Variants in DNER observed in about 807,000 individuals in gnomAD.
DNER encodes the protein delta and Notch-like epidermal growth factor-related receptor.
In DNER, 33 loss-of-function variants were observed where a neutral mutation model predicts 78.2. That is an observed-to-expected ratio of 0.42 (90% confidence interval 0.32 to 0.56). The LOEUF is 0.56. Among genes scored for constraint, DNER ranks in the 20% least tolerant of loss-of-function variants. The pLI, the probability that DNER is intolerant of heterozygous loss-of-function variation, is 0.11. For synonymous variants in DNER, 417 were observed against 384.8 expected, an observed-to-expected ratio of 1.08 and a Z score of -0.98; for missense variants, 918 against 975.3, an observed-to-expected ratio of 0.94 and a Z score of 0.78.
intron 8 of DNER, among the ~76,000 whole-genome samples, chr2:229,443,418 A>C (rs1292470456): frequency 6.6e-6 from 1 of 152,150 alleles, no homozygotes; most frequent in African/African-American, 2.4e-5. Context: ...CCAAGTTCTC[A>C]CTTTCTTCAG....
intron 4 of DNER, among the ~76,000 whole-genome samples, chr2:229,581,650 G>A (rs926547724): frequency 1.3e-5 from 2 of 152,206 alleles, no homozygotes; most frequent in Non-Finnish European, 2.9e-5. Flanking sequence ...CAGTGGTCAT[G>A]AAGGAAAACC....
chr2:229,581,284 G>C, intron 4 of DNER, among the ~76,000 whole-genome samples: 1 of 152,174 alleles, frequency 6.6e-6, no homozygotes, highest in East Asian at 1.9e-4. Flanking sequence ...AGCCATAACT[G>C]TTTCATGGAA....
At chr2:229,505,759 T>C (rs988477174) in intron 6 of DNER, among the ~76,000 whole-genome samples, 2 of 152,138 alleles carry the variant, frequency 1.3e-5, no homozygotes, top group African/African-American at 2.4e-5. Context: ...AATAAAACAA[T>C]ATGATGTAAA....
At chr2:229,434,645 T>C (rs529580392) in intron 8 of DNER, among the ~76,000 whole-genome samples, 44 of 152,162 alleles carry the variant, frequency 2.9e-4, no homozygotes, top group Non-Finnish European at 5.1e-4. Context: ...AAGTGTGTTT[T>C]TATTTGGTGA....
chr2:229,564,333 C>T (rs1310610906), intron 4 of DNER, among the ~76,000 whole-genome samples: 4 of 141,490 alleles, frequency 2.8e-5, no homozygotes, highest in Non-Finnish European at 6.1e-5. Context: ...CTTCCTCACC[C>T]CATCACCATC....
intron 4 of DNER, among the ~76,000 whole-genome samples, chr2:229,581,396 G>A (rs1373376568): frequency 6.6e-6 from 1 of 152,036 alleles, no homozygotes; most frequent in Non-Finnish European, 1.5e-5. Flanking sequence ...CCCGAGAAGC[G>A]GGCAATGTTA....
At position 229,591,840 on chromosome 2, in the gene DNER, T is replaced by G; in HGVS notation, c.325A>C (p.Ser109Arg). 2 of 1,607,274 alleles carry G rather than the reference T, an allele frequency of 1.2e-6. No individual in the cohort carries two copies. Among genetic ancestry groups the G allele is most frequent in the Non-Finnish European group, 8.5e-7 (1 of 1,176,792 alleles). Residue 109 changes from serine (S) to arginine (R), a missense_variant, in exon 2 of 13, where the codon AGC becomes CGC. Physicochemically the swap from Ser to Arg is moderately radical, Grantham distance 110. Coordinates refer to ENST00000341772, the MANE Select transcript of DNER (RefSeq NM_139072.4). This position sits in a 1 kb window ranked among gnomAD's most constrained non-coding sequence, Gnocchi z 4.6. ...TCGCTGCTGCTGCTGCTGCTGCTGC[T>G]GCAGTTGCCATGGTGACAAGGGTTG... ...ASNPCHHGNCSSSSSSSSDGY... is the reference protein window; with the variant it reads ...ASNPCHHGNCRSSSSSSSDGY...
chr2:229,692,562 T>C (rs1263923571), intron 1 of DNER, among the ~76,000 whole-genome samples: 1 of 152,224 alleles, frequency 6.6e-6, no homozygotes, highest in Admixed American at 6.5e-5. Context: ...AGTTAAACTA[T>C]AAAACTGTAC....
intron 1 of DNER, among the ~76,000 whole-genome samples, chr2:229,658,683 TC>T (rs1698953612): frequency 6.6e-6 from 1 of 152,154 alleles, no homozygotes; most frequent in South Asian, 2.1e-4. Flanking sequence ...TGTATTTTAC[TC>T]CTTTATCTGA....
chr2:229,465,783 G>A (rs184118427), intron 7 of DNER, among the ~76,000 whole-genome samples: 3 of 152,232 alleles, frequency 2.0e-5, no homozygotes, highest in Admixed American at 2.0e-4. Flanking sequence ...TGAGAAATCA[G>A]CAGAGATTCG....
intron 4 of DNER, among the ~76,000 whole-genome samples, chr2:229,577,093 T>C (rs1026792822): frequency 1.3e-5 from 2 of 152,036 alleles, no homozygotes. Context: ...GGAAATCAGG[T>C]TTTGCTCCAG....
intron 6 of DNER, among the ~76,000 whole-genome samples, chr2:229,492,388 G>C (rs947052072): frequency 1.3e-5 from 2 of 152,184 alleles, no homozygotes; most frequent in Non-Finnish European, 2.9e-5. Context: ...AGGGATGAAT[G>C]ACACAGGGGC....
At chr2:229,622,829 G>A (rs1041046658) in intron 1 of DNER, among the ~76,000 whole-genome samples, 1 of 152,140 alleles carries the variant, frequency 6.6e-6, no homozygotes, top group African/African-American at 2.4e-5. Context: ...AACACCAGAA[G>A]CCAGGAGAGA....
At chr2:229,631,241 T>A (rs1041607888) in intron 1 of DNER, among the ~76,000 whole-genome samples, 1 of 152,156 alleles carries the variant, frequency 6.6e-6, no homozygotes, top group Non-Finnish European at 1.5e-5. Flanking sequence ...AAAAAAAACA[T>A]TTAAAGACAT....
At chr2:229,523,296 A>G (rs1363593035) in intron 5 of DNER, among the ~76,000 whole-genome samples, 2 of 152,196 alleles carry the variant, frequency 1.3e-5, no homozygotes, top group Non-Finnish European at 2.9e-5. Context: ...TTCGTTTGCT[A>G]GGGCTGCCGT....
At chr2:229,403,559 A>G (rs2106342411) in intron 10 of DNER, among the ~76,000 whole-genome samples, 1 of 152,248 alleles carries the variant, frequency 6.6e-6, no homozygotes, top group Admixed American at 6.5e-5. Flanking sequence ...TTTAGGAACT[A>G]TTCTGTGGTC....
chr2:229,671,094 G>T (rs1699199415), intron 1 of DNER, among the ~76,000 whole-genome samples: 1 of 152,154 alleles, frequency 6.6e-6, no homozygotes, highest in Non-Finnish European at 1.5e-5. Flanking sequence ...AAAAATAAAT[G>T]TATGCTGAAA....
In DNER at chr2:229,481,909, G is replaced by A. The variant is rs113570433; in HGVS notation, c.1148-4656C>T. Among the ~76,000 whole-genome samples the A allele has an allele frequency of 8.5e-3, 1,298 of 152,290 alleles. 16 individuals carry two copies. Among genetic ancestry groups the A allele is most frequent in the African/African-American group, 0.029 (1,222 of 41,568 alleles). ...TTGCTCTAGCATGCATACACAACAGGCATTTCAGCCCTGGAAACCTATGCC... is the reference window on the plus strand; with the variant it reads ...TTGCTCTAGCATGCATACACAACAGACATTTCAGCCCTGGAAACCTATGCC... On this transcript the variant is annotated intron_variant, in intron 6 of 12. Transcript: ENST00000341772.
intron 1 of DNER, among the ~76,000 whole-genome samples, chr2:229,594,907 T>C (rs1050935189): frequency 7.0e-6 from 1 of 142,744 alleles, no homozygotes; most frequent in Admixed American, 7.3e-5. Context: ...GATTGAGGAC[T>C]TACTATGACA....
Sources: gnomAD v4.1 joint callset for allele counts (sites outside exome capture counted in the v4.1 genomes callset) on GRCh38, gnomAD v4.1.1 for gene constraint, Gnocchi (gnomAD v3.1) non-coding constraint, MANE v1.5 for transcripts, NCBI Gene and HGNC (gene_info 2026-07-23, HGNC 2026-07-21) for gene names.